The following KIFC1 variants were observed in gnomAD, a reference collection of about 807,000 sequenced individuals.
KIFC1 encodes kinesin family member C1, also known as kinesin-like protein KIFC1.
In KIFC1, 37 loss-of-function variants were observed where a neutral mutation model predicts 66.6. The ratio of observed to expected loss-of-function variants is 0.56; its 90% confidence interval spans 0.43 to 0.73. The LOEUF (loss-of-function observed/expected upper bound fraction) is 0.73, where lower values mean the gene tolerates loss of function less well. Among genes scored for constraint, KIFC1 ranks in the 30% least tolerant of loss-of-function variants. The pLI is 0.00. For missense variants in KIFC1, 721 were observed against 859.8 expected (o/e 0.84, Z 2.02); for synonymous variants, 325 against 343.5 (o/e 0.95, Z 0.60).
chr6:33,404,900 G>A lies in KIFC1; in HGVS notation c.805G>A (p.Val269Met). 1 of 1,613,940 alleles carries A rather than the reference G, an allele frequency of 6.2e-7. No individual in the cohort carries two copies. Among genetic ancestry groups the A allele is most frequent in the East Asian group, 2.2e-5 (1 of 44,858 alleles). The part of the protein sequence containing the change: ...EAALSSSQAE[V>M]ASLRQETVAQ... ...AGCCCTGTCAAGCAGCCAAGCAGAG[G>A]TGGCATCTCTGCGGCAGGAGACTGT... is the stretch of plus-strand genomic sequence containing the variant. The change falls in exon 7 of 11, where the codon GTG (valine) becomes ATG (methionine). Residue 269 changes from valine (V) to methionine (M), a missense_variant. Val to Met is a conservative substitution (Grantham distance 21). Coordinates refer to ENST00000428849, the MANE Select transcript of KIFC1 (RefSeq NM_002263.4). The surrounding 1 kb of genome is among the most constrained non-coding windows in gnomAD (Gnocchi z 4.0).
At position 33,407,041 on chromosome 6, in the gene KIFC1, G is replaced by A. The variant is rs1465318289; in HGVS notation, c.1977+166G>A. The A allele has an allele frequency of 3.5e-6, 5 of 1,416,668 alleles. No homozygotes were observed. In the African/African-American group the frequency reaches 7.3e-5, roughly 21 times the overall value. The allele number at this position is 1,416,668 out of a possible 1,614,324, so 87.8% of individuals were successfully genotyped here. On this transcript the variant is annotated intron_variant, in intron 10 of 10. Transcript: ENST00000428849. ...TCCATTTTTAATTATTAGCTTTTGA[G>A]TTAAGTTTTTTAAAAAACGGGTGAT...
chr6:33,396,251 G>A (rs767018139), intron 1 of KIFC1, among the ~76,000 whole-genome samples: 2 of 151,988 alleles, frequency 1.3e-5, no homozygotes. Flanking sequence ...AATCCTGCTG[G>A]GTCCAGTGGC....
rs1775553653 is a variant in KIFC1, at chr6:33,404,765, C to T, written c.757-87C>T. 1 of 1,312,026 alleles carries T rather than the reference C, an allele frequency of 7.6e-7. No homozygotes were observed. The allele number at this position is 1,312,026 out of a possible 1,614,324, so 81.3% of individuals were successfully genotyped here. On this transcript the variant is annotated intron_variant, in intron 6 of 10. Transcript: ENST00000428849. The surrounding 1 kb of genome is among the most constrained non-coding windows in gnomAD (Gnocchi z 4.0). ...GAGGTCCTTTTGAGCAGGGACCTCA[C>T]TTCCACCCACTCCATACGCCCCACA...
In KIFC1 at chr6:33,406,334, G is replaced by T. The variant is rs1562839378; in HGVS notation, c.1675G>T (p.Ala559Ser). 1 of 1,614,226 alleles carries T rather than the reference G, an allele frequency of 6.2e-7. No individual in the cohort carries two copies. Among genetic ancestry groups the T allele is most frequent in the South Asian group, 1.1e-5 (1 of 91,090 alleles). ...CTCCAGCCGAGGCCTGCAGTGTGGG[G>T]CCCCCCTCAGTCTTGTGGACCTGGC... ...EHSSRGLQCGAPLSLVDLAGS... is the reference protein window; with the variant it reads ...EHSSRGLQCGSPLSLVDLAGS... The change falls in exon 8 of 11, where the codon GCC becomes TCC. Residue 559 changes from alanine to serine, a missense_variant. Coordinates refer to ENST00000428849, the MANE Select transcript of KIFC1 (RefSeq NM_002263.4). This position sits in a 1 kb window ranked among gnomAD's most constrained non-coding sequence, Gnocchi z 4.5.
At chr6:33,393,329 G>A (rs1206552543) in intron 1 of KIFC1, among the ~76,000 whole-genome samples, 1 of 151,832 alleles carries the variant, frequency 6.6e-6, no homozygotes. Flanking sequence ...GGGGGTCGTT[G>A]TGAGGACTTT....
rs1554297826 is a variant in KIFC1 at position 33,391,997 on chromosome 6, GGT to G, written c.12+2_12+3del. 1 of 1,613,836 alleles carries G rather than the reference GGT, an allele frequency of 6.2e-7. No individual in the cohort carries two copies. Among genetic ancestry groups the G allele is most frequent in the Non-Finnish European group, 8.5e-7 (1 of 1,179,956 alleles). ...GGACCGAGGTGGACATGGATCCGCA[GGT>G]GAGTAGGGGCGGCGCAGGTGTCCTG... On this transcript the variant is annotated splice_donor_variant, in intron 1 of 10. Coordinates refer to ENST00000428849, the MANE Select transcript of KIFC1 (RefSeq NM_002263.4). LOFTEE classifies it high-confidence loss of function.
intron 1 of KIFC1, among the ~76,000 whole-genome samples, chr6:33,394,021 C>T (rs1187270472): frequency 6.6e-6 from 1 of 152,174 alleles, no homozygotes; most frequent in Non-Finnish European, 1.5e-5. Flanking sequence ...GCTCGGATTA[C>T]AGGCATGAGC....
At chr6:33,393,807 C>T (rs1438622250) in intron 1 of KIFC1, among the ~76,000 whole-genome samples, 1 of 143,326 alleles carries the variant, frequency 7.0e-6, no homozygotes, top group Non-Finnish European at 1.5e-5. Context: ...AGTGCAGTGG[C>T]GCGGTCTCGG....
intron 1 of KIFC1, among the ~76,000 whole-genome samples, chr6:33,394,894 T>G (rs1437980573): frequency 6.6e-6 from 1 of 151,708 alleles, no homozygotes; most frequent in Non-Finnish European, 1.5e-5. Flanking sequence ...GGCATGGGAG[T>G]GGATAGTGAG....
In KIFC1 at chr6:33,400,428, A is replaced by G. The variant is rs1262503758; in HGVS notation, c.250+2041A>G. Reference sequence around the variant, plus strand: ...CACCCGTTGCCTTGGCAATGTCATCACCAACCTTTTTTGGAGACAGACCCA... The same window carrying G: ...CACCCGTTGCCTTGGCAATGTCATCGCCAACCTTTTTTGGAGACAGACCCA... On this transcript the variant is annotated intron_variant, in intron 3 of 10. Coordinates refer to ENST00000428849, the MANE Select transcript of KIFC1 (RefSeq NM_002263.4). The surrounding 1 kb of genome is among the most constrained non-coding windows in gnomAD (Gnocchi z 4.3). 6.2e-7 allele frequency: 1 copy of G among 1,602,544 alleles called. No homozygotes were observed.
Position 33,405,771 on chromosome 6 carries a change from T to G in KIFC1, c.1536+140T>G. 114 of 927,162 alleles carry G rather than the reference T, an allele frequency of 1.2e-4. No homozygotes were observed. The highest frequency in any genetic ancestry group is 5.3e-4 in the Middle Eastern group (2 of 3,778). The allele number at this position is 927,162 out of a possible 1,614,324, so 57.4% of individuals were successfully genotyped here. A position where few individuals can be genotyped will look rare whatever the true frequency, so the allele number is the denominator to read the frequency against. ...TCAGGCTGGGTTACCACATCCGGTT[T>G]TGGCCTGTGGGCTGTCGGTAGATCT... is the stretch of plus-strand genomic sequence containing the variant. On this transcript the variant is annotated intron_variant, in intron 7 of 10. Transcript: ENST00000428849. This position sits in a 1 kb window ranked among gnomAD's most constrained non-coding sequence, Gnocchi z 5.4.
At position 33,406,340 on chromosome 6, in the gene KIFC1, C is replaced by A; in HGVS notation, c.1681C>A (p.Leu561Ile). 6.2e-7 allele frequency: 1 copy of A among 1,614,246 alleles called. No individual in the cohort carries two copies. The highest frequency in any genetic ancestry group is 1.1e-5 in the South Asian group (1 of 91,092). The change falls in exon 8 of 11, where the codon CTC becomes ATC. Residue 561 changes from leucine (L) to isoleucine (I), a missense_variant. Coordinates refer to ENST00000428849, the MANE Select transcript of KIFC1 (RefSeq NM_002263.4). The surrounding 1 kb of genome is among the most constrained non-coding windows in gnomAD (Gnocchi z 4.5). ...SSRGLQCGAP[L>I]SLVDLAGSER... ...CCGAGGCCTGCAGTGTGGGGCCCCCCTCAGTCTTGTGGACCTGGCCGGGAG... is the reference window on the plus strand; with the variant it reads ...CCGAGGCCTGCAGTGTGGGGCCCCCATCAGTCTTGTGGACCTGGCCGGGAG...
chr6:33,391,656 A>C, upstream of KIFC1: 2 of 530,462 alleles, frequency 3.8e-6, no homozygotes, highest in Non-Finnish European at 3.4e-6. Context: ...CGGAAGTGGA[A>C]TTAATCCGCC....
chr6:33,392,302 C>T lies in KIFC1; in HGVS notation c.12+305C>T, dbSNP rs191983974. The stretch of plus-strand genomic sequence containing the variant: ...TTCTCAGGCTCGTCTGACACATTTC[C>T]ACTTCTTTATTCCTACTCAGGGTGT... On this transcript the variant is annotated intron_variant, in intron 1 of 10. Coordinates refer to ENST00000428849, the MANE Select transcript of KIFC1 (RefSeq NM_002263.4). 1.6e-3 allele frequency among the ~76,000 whole-genome samples: 237 copies of T among 152,314 alleles called. 2 individuals carry two copies. The highest frequency in any genetic ancestry group is 6.5e-3 in the Admixed American group (100 of 15,296).
Position 33,401,102 on chromosome 6 carries a change from C to G in KIFC1, c.251-2212C>G, listed in dbSNP as rs1338040386. 6.6e-6 allele frequency among the ~76,000 whole-genome samples: 1 copy of G among 152,136 alleles called. No homozygotes were observed. Among genetic ancestry groups the G allele is most frequent in the Non-Finnish European group, 1.5e-5 (1 of 68,032 alleles). ...AGCATATATTCAGGGCAATATGAAT[C>G]TCTGTCTCCTGGCTTGAAAATAAAA... On this transcript the variant is annotated intron_variant, in intron 3 of 10. Coordinates refer to ENST00000428849, the MANE Select transcript of KIFC1 (RefSeq NM_002263.4). The surrounding 1 kb of genome is among the most constrained non-coding windows in gnomAD (Gnocchi z 4.5).
rs1475982013 is a variant in KIFC1 at position 33,405,441 on chromosome 6, G to A, written c.1346G>A (p.Ser449Asn). ...CTCTTCTCTGTGGCTCAGGAGCTGA[G>A]TGGTCAGGGCTGGACCTACAGCTTT... Reference protein sequence around the residue: ...RHLFSVAQELSGQGWTYSFVA... With the variant: ...RHLFSVAQELNGQGWTYSFVA... Residue 449 changes from serine to asparagine, a missense_variant, in exon 7 of 11, where the codon AGT becomes AAT. Ser to Asn is a conservative substitution (Grantham distance 46, BLOSUM62 1). Coordinates refer to ENST00000428849, the MANE Select transcript of KIFC1 (RefSeq NM_002263.4). The surrounding 1 kb of genome is among the most constrained non-coding windows in gnomAD (Gnocchi z 5.4). The A allele has an allele frequency of 1.9e-6, 3 of 1,605,522 alleles. No individual in the cohort carries two copies. The highest frequency in any genetic ancestry group is 2.6e-6 in the Non-Finnish European group (3 of 1,174,742).
chr6:33,398,130 G>C lies in KIFC1; in HGVS notation c.114G>C (p.Arg38Ser), dbSNP rs145995335. 2 of 1,614,188 alleles carry C rather than the reference G, an allele frequency of 1.2e-6. No individual in the cohort carries two copies. Among genetic ancestry groups the C allele is most frequent in the Non-Finnish European group, 1.7e-6 (2 of 1,180,032 alleles). The stretch of plus-strand genomic sequence containing the variant: ...TCTCAGGAAGCAGACTCAAGAGGAG[G>C]CCTGACCAGATGGAAGATGGCCTGG... ...LPLSGSRLKR[R>S]PDQMEDGLEP... is the part of the protein sequence containing the mutation. Residue 38 changes from arginine (R) to serine (S), a missense_variant, in exon 2 of 11, where the codon AGG becomes AGC. By Grantham distance (110) the Arg-to-Ser change is moderately radical (BLOSUM62 -1). Transcript: ENST00000428849.
chr6:33,391,636 T>G (rs1774784619), upstream of KIFC1: 1 of 485,130 alleles, frequency 2.1e-6, no homozygotes, highest in Non-Finnish European at 3.8e-6. Flanking sequence ...GTGAGAAGCA[T>G]AAGTGGCACC....
rs1316167121 is a variant in KIFC1 at position 33,403,411 on chromosome 6, T to C, written c.304+44T>C. 5 of 1,610,728 alleles carry C rather than the reference T, an allele frequency of 3.1e-6. No homozygotes were observed. The highest frequency in any genetic ancestry group is 2.2e-5 in the East Asian group (1 of 44,876). On this transcript the variant is annotated intron_variant, in intron 4 of 10. Coordinates refer to ENST00000428849, the MANE Select transcript of KIFC1 (RefSeq NM_002263.4). The surrounding 1 kb of genome is among the most constrained non-coding windows in gnomAD (Gnocchi z 4.6). Reference sequence around the variant, plus strand: ...TGGGTCTGAGAAGGGATTTGGGGTATGTGTAAAGGGAGAATGATGGAGGTG... The same window carrying C: ...TGGGTCTGAGAAGGGATTTGGGGTACGTGTAAAGGGAGAATGATGGAGGTG...
Sources: gnomAD v4.1 joint callset for allele counts (sites outside exome capture counted in the v4.1 genomes callset) on GRCh38, gnomAD v4.1.1 for gene constraint, Gnocchi (gnomAD v3.1) non-coding constraint, MANE v1.5 for transcripts, NCBI Gene and HGNC (gene_info 2026-07-23, HGNC 2026-07-21) for gene names.